Variants in FLVCR1 observed in about 807,000 individuals in gnomAD.
FLVCR1 encodes the protein FLVCR choline and heme transporter 1, also known as choline/ethanolamine transporter FLVCR1.
A neutral mutation model predicts 53.6 loss-of-function variants in FLVCR1; 34 were observed. The ratio of observed to expected loss-of-function variants is 0.63; its 90% CI spans 0.48 to 0.84. The LOEUF (loss-of-function observed/expected upper bound fraction) is 0.84. FLVCR1 is among the 40% of genes least tolerant of loss of function. FLVCR1 has a pLI of 0.00. For missense variants in FLVCR1, 677 were observed against 696.7 expected (o/e 0.97, Z 0.32); for synonymous variants, 300 against 286.3 (o/e 1.05, Z -0.48).
At position 212,893,064 on chromosome 1, in the gene FLVCR1, T is replaced by TTTG. The variant is rs1454318841; in HGVS notation, c.1526-1921_1526-1920insTGT. 1.7e-3 allele frequency among the ~76,000 whole-genome samples: 205 copies of TTTG among 123,438 alleles called. 9 individuals are homozygous for TTTG. The East Asian group carries it at 0.054, about 33-fold the overall frequency. 81.0% of individuals were successfully genotyped at this position (123,438 alleles called of 152,430 possible). A position where few individuals can be genotyped will look rare whatever the true frequency, so the allele number is the denominator to read the frequency against. On this transcript the variant is annotated intron_variant, in intron 8 of 9. Coordinates refer to ENST00000366971, the MANE Select transcript of FLVCR1 (RefSeq NM_014053.4). ...GAAATGAAGGGTTGCTTCTTTTTTT[T>TTTG]TGGGGGGGGGTGCCGGAATGTTGCT...
Position 212,859,578 on chromosome 1 carries a change from C to G in FLVCR1, c.738+388C>G, listed in dbSNP as rs1028299018. On this transcript the variant is annotated intron_variant, in intron 1 of 9. Transcript: ENST00000366971. Reference sequence around the variant, plus strand: ...GTTAAAAATACAGAAATTAGCCAGGCCTGCTTGCGGGTATCTGTAGTCCCA... The same window carrying G: ...GTTAAAAATACAGAAATTAGCCAGGGCTGCTTGCGGGTATCTGTAGTCCCA... Among the ~76,000 whole-genome samples the G allele has an allele frequency of 2.6e-5, 4 of 152,116 alleles. No individual in the cohort carries two copies. In the East Asian group the frequency reaches 7.8e-4, roughly 30 times the overall value.
chr1:212,890,799 T>A (rs1665172423), intron 8 of FLVCR1, among the ~76,000 whole-genome samples: 1 of 152,248 alleles, frequency 6.6e-6, no homozygotes, highest in African/African-American at 2.4e-5. Context: ...CTGATCATTC[T>A]TTGTGAAACC....
intron 2 of FLVCR1, among the ~76,000 whole-genome samples, chr1:212,867,264 A>G (rs991958849): frequency 1.3e-5 from 2 of 152,190 alleles, no homozygotes; most frequent in Non-Finnish European, 2.9e-5. Flanking sequence ...CAAGCATTCC[A>G]CTGAATTTCA....
At chr1:212,881,790 T>C (rs1664937902) in intron 3 of FLVCR1, among the ~76,000 whole-genome samples, 1 of 152,166 alleles carries the variant, frequency 6.6e-6, no homozygotes, top group African/African-American at 2.4e-5. Context: ...TATGAGAAAA[T>C]TGTCTGCAAT....
At chr1:212,891,238 G>T (rs953419097) in intron 8 of FLVCR1, among the ~76,000 whole-genome samples, 20 of 151,870 alleles carry the variant, frequency 1.3e-4, no homozygotes, top group African/African-American at 4.6e-4. Flanking sequence ...GTGAAACCGT[G>T]TCTCTACTAA....
At chr1:212,874,546 T>G (rs1275694346) in intron 3 of FLVCR1, among the ~76,000 whole-genome samples, 56 of 89,696 alleles carry the variant, frequency 6.2e-4, no homozygotes, top group African/African-American at 1.8e-3. Flanking sequence ...TTTTTTTTTT[T>G]GAGATGGAGT....
intron 8 of FLVCR1, among the ~76,000 whole-genome samples, chr1:212,894,069 C>G (rs1218773852): frequency 6.6e-6 from 1 of 151,582 alleles, no homozygotes; most frequent in African/African-American, 2.4e-5. Flanking sequence ...AGCCACTGAG[C>G]CTGGCCAGTA....
chr1:212,886,818 AG>A (rs1665078118), intron 5 of FLVCR1, among the ~76,000 whole-genome samples: 1 of 152,136 alleles, frequency 6.6e-6, no homozygotes, highest in Non-Finnish European at 1.5e-5. Flanking sequence ...TAAAAAAAAA[AG>A]AATATACTCT....
chr1:212,889,449 C>T (rs914151624), intron 8 of FLVCR1, among the ~76,000 whole-genome samples, 192 bp downstream of exon 8: 2 of 152,182 alleles, frequency 1.3e-5, no homozygotes, highest in African/African-American at 4.8e-5. Flanking sequence ...AGTTACTCTG[C>T]ATAGCAAGCA....
rs1262920719 is a variant in FLVCR1 at position 212,898,537 on chromosome 1, CAT to C, written c.*3252_*3253del. The C allele has an allele frequency of 2.6e-5, 4 of 152,124 alleles. No homozygotes were observed. The allele number at this position is 152,124 out of a possible 1,614,324, so 9.4% of individuals were successfully genotyped here. ...ATACTTTATTTCTGAAAAGCATATA[CAT>C]ATATGTTATGTTTATTTTTCCTTGT... On this transcript the variant is annotated 3_prime_UTR_variant, in exon 10 of 10. Coordinates refer to ENST00000366971, the MANE Select transcript of FLVCR1 (RefSeq NM_014053.4).
rs201356865 is a variant in FLVCR1, at chr1:212,858,926, G to A, written c.474G>A (p.Val158=). 12 of 1,614,250 alleles carry A rather than the reference G, an allele frequency of 7.4e-6. No individual in the cohort carries two copies. Among genetic ancestry groups the A allele is most frequent in the Non-Finnish European group, 1.0e-5 (12 of 1,180,042 alleles). ...WLSMVYMLAY[V]PLIFPATWLL... is the part of the protein sequence containing the mutation. ...CCATGGTGTACATGCTGGCCTACGT[G>A]CCCCTCATCTTCCCGGCCACCTGGC... Residue 158 remains valine, a synonymous_variant, in exon 1 of 10, where the codon GTG becomes GTA. Coordinates refer to ENST00000366971, the MANE Select transcript of FLVCR1 (RefSeq NM_014053.4).
chr1:212,863,674 T>C, intron 1 of FLVCR1, 51 bp from the exon 2 acceptor site: 1 of 1,566,188 alleles, frequency 6.4e-7, no homozygotes, highest in Non-Finnish European at 8.8e-7. Flanking sequence ...TGCCAGCATT[T>C]ACTTTTTTCT....
At chr1:212,871,644 A>G (rs1664599549) in intron 2 of FLVCR1, among the ~76,000 whole-genome samples, 1 of 152,180 alleles carries the variant, frequency 6.6e-6, no homozygotes, top group Admixed American at 6.5e-5. Context: ...TTGACCTCCC[A>G]AAGTGCTGAG....
intron 4 of FLVCR1, among the ~76,000 whole-genome samples, chr1:212,884,202 G>A (rs1664998282): frequency 6.6e-6 from 1 of 152,144 alleles, no homozygotes; most frequent in Admixed American, 6.5e-5. Context: ...GGGAGGCTGA[G>A]GCAGGAGAAA....
At chr1:212,889,362 T>C (rs1253884402) in intron 8 of FLVCR1, 105 bp downstream of exon 8, 2 of 753,102 alleles carry the variant, frequency 2.7e-6, no homozygotes, top group Non-Finnish European at 4.8e-6. Context: ...AAAAATGAGA[T>C]AAAAAGCAGG....
At chr1:212,881,163 A>T (rs182805587) in intron 3 of FLVCR1, among the ~76,000 whole-genome samples, 186 of 152,358 alleles carry the variant, frequency 1.2e-3, no homozygotes, top group Middle Eastern at 3.4e-3. Context: ...TGGGAAAAAT[A>T]AACTAAAATT....
At chr1:212,889,847 T>C (rs1665147069) in intron 8 of FLVCR1, among the ~76,000 whole-genome samples, 1 of 152,152 alleles carries the variant, frequency 6.6e-6, no homozygotes, top group Non-Finnish European at 1.5e-5. Flanking sequence ...AGTGTGACTT[T>C]AGACCCGTTG....
intron 3 of FLVCR1, among the ~76,000 whole-genome samples, chr1:212,878,329 T>C (rs7531073): frequency 0.46 from 70,304 of 151,732 alleles, 17,522 homozygotes; most frequent in East Asian, 0.56. Flanking sequence ...GGTGAAACCC[T>C]GTCTCTTCTA....
intron 5 of FLVCR1, among the ~76,000 whole-genome samples, chr1:212,886,567 A>C (rs917528875): frequency 6.6e-6 from 1 of 152,122 alleles, no homozygotes; most frequent in African/African-American, 2.4e-5. Flanking sequence ...TGGGAGGCCA[A>C]GGCGGGTAGA....
Sources: gnomAD v4.1 joint callset for allele counts (sites outside exome capture counted in the v4.1 genomes callset) on GRCh38, gnomAD v4.1.1 for gene constraint, MANE v1.5 for transcripts, NCBI Gene and HGNC (gene_info 2026-07-23, HGNC 2026-07-21) for gene names.